Variants in MAML3 observed in about 807,000 individuals in gnomAD.
MAML3 encodes the protein mastermind-like protein 3.
Under a neutral mutation model 101.9 loss-of-function variants are expected in MAML3, and 27 were observed. The ratio of observed to expected loss-of-function variants is 0.27; its 90% CI spans 0.20 to 0.37. The LOEUF is 0.37. Among genes scored for constraint, MAML3 ranks in the 10% least tolerant of loss-of-function variants. The pLI is 1.00. For missense variants in MAML3, 1,316 were observed against 1,444.9 expected (o/e 0.91, Z 1.45); for synonymous variants, 501 against 555.9 (o/e 0.90, Z 1.39).
chr4:139,777,263 C>A (rs1427228980), intron 2 of MAML3, among the ~76,000 whole-genome samples: 1 of 152,184 alleles, frequency 6.6e-6, no homozygotes, highest in East Asian at 1.9e-4. Context: ...CGGTTCTTTG[C>A]TCCCCACTCC....
At chr4:139,866,084 T>A (rs1731894085) in intron 2 of MAML3, among the ~76,000 whole-genome samples, 1 of 152,226 alleles carries the variant, frequency 6.6e-6, no homozygotes, top group African/African-American at 2.4e-5. Flanking sequence ...GAAAGGGAAT[T>A]GGGTGGTCCA....
At position 139,889,963 on chromosome 4, in the gene MAML3, C is replaced by CTGT. The variant is rs766502921; in HGVS notation, c.1472_1473insACA (p.Gln510dup). On this transcript the variant is annotated inframe_insertion, in exon 2 of 5. Coordinates refer to ENST00000509479, the MANE Select transcript of MAML3 (RefSeq NM_018717.5). ...GCTGCTGCTGCTGCTGCTGCTGCTG[C>CTGT]TGCTGTTGCTGTTGCTGTTTCTGCT... The CTGT allele has an allele frequency of 1.5e-4, 215 of 1,441,508 alleles. No individual in the cohort carries two copies. In the East Asian group the frequency reaches 4.0e-3, roughly 27 times the overall value. The allele number at this position is 1,441,508 out of a possible 1,614,324, so 89.3% of individuals were successfully genotyped here. A position where few individuals can be genotyped will look rare whatever the true frequency, so the allele number is the denominator to read the frequency against.
At chr4:139,924,529 T>G (rs1733184585) in intron 1 of MAML3, among the ~76,000 whole-genome samples, 1 of 152,216 alleles carries the variant, frequency 6.6e-6, no homozygotes, top group Non-Finnish European at 1.5e-5. Context: ...GATCAAGAAA[T>G]AGCATTCTAT....
chr4:140,046,407 G>C (rs1376184492), intron 1 of MAML3, among the ~76,000 whole-genome samples: 1 of 152,136 alleles, frequency 6.6e-6, no homozygotes, highest in Non-Finnish European at 1.5e-5. Flanking sequence ...CTAAGATTTG[G>C]GGGTTCTTTG....
At chr4:140,090,075 G>T (rs534787433) in intron 1 of MAML3, among the ~76,000 whole-genome samples, 10 of 152,234 alleles carry the variant, frequency 6.6e-5, no homozygotes, top group African/African-American at 2.4e-4. Flanking sequence ...ATAATAGCTG[G>T]ACAATATCCC....
At chr4:139,798,681 G>A (rs1398234621) in intron 2 of MAML3, among the ~76,000 whole-genome samples, 1 of 152,088 alleles carries the variant, frequency 6.6e-6, no homozygotes, top group Non-Finnish European at 1.5e-5. Flanking sequence ...AACAGGTCAG[G>A]GCCAATTCCA....
At chr4:139,827,265 C>T (rs73854379) in intron 2 of MAML3, among the ~76,000 whole-genome samples, 2,321 of 152,240 alleles carry the variant, frequency 0.015, 59 homozygotes, top group African/African-American at 0.052. Context: ...TTTAAGACGA[C>T]CACAACCAGA....
At chr4:140,092,077 TATATATATAC>T (rs1482609695) in intron 1 of MAML3, among the ~76,000 whole-genome samples, 1 of 61,154 alleles carries the variant, frequency 1.6e-5, no homozygotes, top group Non-Finnish European at 4.9e-5. Context: ...TATATATACG[TATATATATAC>T]GTATATATAT....
At chr4:139,725,004 C>T (rs1445040126) in intron 4 of MAML3, among the ~76,000 whole-genome samples, 1 of 152,144 alleles carries the variant, frequency 6.6e-6, no homozygotes. Context: ...AGTGATCCGT[C>T]CACCTCAGCC....
chr4:139,946,719 T>A (rs1339088685), intron 1 of MAML3, among the ~76,000 whole-genome samples: 2 of 152,120 alleles, frequency 1.3e-5, no homozygotes, highest in Non-Finnish European at 2.9e-5. Context: ...ATAATGATTA[T>A]AAAATATAAA....
intron 1 of MAML3, among the ~76,000 whole-genome samples, chr4:139,982,918 T>C (rs1734472775): frequency 1.3e-5 from 2 of 152,216 alleles, no homozygotes; most frequent in South Asian, 4.1e-4. Context: ...GAAAAAACTA[T>C]CAATCAGAGT....
At chr4:140,039,050 T>C (rs868590496) in intron 1 of MAML3, among the ~76,000 whole-genome samples, 20 of 151,382 alleles carry the variant, frequency 1.3e-4, no homozygotes, top group Non-Finnish European at 2.2e-4. Context: ...ACCTGGGAGG[T>C]GGAGGTTGCA....
chr4:140,036,307 G>C (rs752283919), intron 1 of MAML3, among the ~76,000 whole-genome samples: 8 of 152,196 alleles, frequency 5.3e-5, no homozygotes, highest in Non-Finnish European at 7.4e-5. Context: ...AGTGGACACA[G>C]CAGCTGGAGA....
At chr4:139,981,194 C>T (rs1311223849) in intron 1 of MAML3, among the ~76,000 whole-genome samples, 1 of 152,196 alleles carries the variant, frequency 6.6e-6, no homozygotes, top group African/African-American at 2.4e-5. Flanking sequence ...AGACAGCTGC[C>T]TTCTTGCTGC....
At chr4:140,087,735 T>C (rs1287629535) in intron 1 of MAML3, among the ~76,000 whole-genome samples, 1 of 152,210 alleles carries the variant, frequency 6.6e-6, no homozygotes, top group Non-Finnish European at 1.5e-5. Context: ...TGATAATTTA[T>C]CATCTATATT....
intron 1 of MAML3, among the ~76,000 whole-genome samples, chr4:140,077,931 T>C (rs1727798058): frequency 1.3e-5 from 2 of 151,772 alleles, no homozygotes; most frequent in African/African-American, 4.8e-5. Context: ...GGCAGGAGAA[T>C]CGCTTGAACT....
chr4:140,122,216 G>A (rs1004559409), intron 1 of MAML3, among the ~76,000 whole-genome samples: 11 of 137,358 alleles, frequency 8.0e-5, no homozygotes, highest in African/African-American at 2.9e-4. Flanking sequence ...ATAATCAAAC[G>A]AGACTTTTTT....
intron 1 of MAML3, among the ~76,000 whole-genome samples, chr4:139,962,843 T>C (rs1408237034): frequency 6.6e-6 from 1 of 152,206 alleles, no homozygotes; most frequent in Non-Finnish European, 1.5e-5. Flanking sequence ...ATGGTTCCTC[T>C]GGAAATTCCA....
intron 2 of MAML3, among the ~76,000 whole-genome samples, chr4:139,805,528 C>T (rs1730685414): frequency 6.6e-6 from 1 of 151,894 alleles, no homozygotes; most frequent in Admixed American, 6.6e-5. Flanking sequence ...CTTGAGTTAC[C>T]CAAGAATAAC....
Sources: gnomAD v4.1 joint callset for allele counts (sites outside exome capture counted in the v4.1 genomes callset) on GRCh38, gnomAD v4.1.1 for gene constraint, MANE v1.5 for transcripts, NCBI Gene and HGNC (gene_info 2026-07-23, HGNC 2026-07-21) for gene names.